Variants in CSMD1 observed in about 807,000 individuals in gnomAD.
CSMD1 encodes CUB and sushi domain-containing protein 1.
Under a neutral mutation model 417.5 loss-of-function variants are expected in CSMD1, and 213 were observed. The observed-to-expected ratio is 0.51, with a 90% confidence interval of 0.46 to 0.57. CSMD1 has a LOEUF of 0.57. Among genes scored for constraint, CSMD1 ranks in the 20% least tolerant of loss-of-function variants. The pLI is 0.00. For synonymous variants in CSMD1, 2,862 were observed against 1,736.8 expected (o/e 1.65, Z -16.11); for missense variants, 6,923 against 4,529.7 (o/e 1.53, Z -15.17).
chr8:3,983,194 G>T (rs1048141996), intron 5 of CSMD1, among the ~76,000 whole-genome samples: 4 of 148,340 alleles, frequency 2.7e-5, no homozygotes, highest in Admixed American at 6.8e-5. Context: ...GCAGTGGCGC[G>T]ATCTCAGCTC....
chr8:4,085,836 T>G (rs1270076257), intron 3 of CSMD1, among the ~76,000 whole-genome samples: 1 of 152,188 alleles, frequency 6.6e-6, no homozygotes, highest in Non-Finnish European at 1.5e-5. Flanking sequence ...ATAAAAGTTC[T>G]GTGTCCCCAG....
intron 3 of CSMD1, among the ~76,000 whole-genome samples, chr8:4,308,010 A>T (rs972902867): frequency 6.6e-6 from 1 of 152,140 alleles, no homozygotes; most frequent in African/African-American, 2.4e-5. Context: ...GTAAACAGTG[A>T]TGGTGGGCAT....
chr8:4,673,094 A>G (rs559671161), intron 1 of CSMD1, among the ~76,000 whole-genome samples: 3 of 152,212 alleles, frequency 2.0e-5, no homozygotes, highest in African/African-American at 7.2e-5. Context: ...AACAACACAC[A>G]AGCATGGTGA....
intron 10 of CSMD1, among the ~76,000 whole-genome samples, chr8:3,570,524 C>G (rs1313167154): frequency 6.6e-6 from 1 of 150,754 alleles, no homozygotes; most frequent in East Asian, 2.0e-4. Flanking sequence ...TTGCAGACGT[C>G]TTGAGAACTG....
Position 4,467,750 on chromosome 8 carries a change from A to G in CSMD1, c.303-47685T>C, listed in dbSNP as rs144399739. ...CCCAATGGTAAAGCTAAAGCTAACA[A>G]AATATTTACCGTAGAAAGCACCTTG... On this transcript the variant is annotated intron_variant, in intron 2 of 69. Transcript: ENST00000635120. Among the ~76,000 whole-genome samples the G allele has an allele frequency of 8.9e-4, 136 of 152,332 alleles. 1 individual carries two copies. In the Middle Eastern group the frequency reaches 0.01, roughly 11 times the overall value.
At chr8:3,714,460 C>A (rs1282314699) in intron 6 of CSMD1, among the ~76,000 whole-genome samples, 1 of 149,422 alleles carries the variant, frequency 6.7e-6, no homozygotes, top group Non-Finnish European at 1.5e-5. Context: ...TGGTGGTTCA[C>A]ATCTGTAATC....
At chr8:4,786,224 A>G (rs1039170219) in intron 1 of CSMD1, among the ~76,000 whole-genome samples, 1 of 152,198 alleles carries the variant, frequency 6.6e-6, no homozygotes. Flanking sequence ...CACCAATTCA[A>G]TTCACTAACG....
At chr8:3,027,187 G>A (rs1322416622) in intron 51 of CSMD1, among the ~76,000 whole-genome samples, 1 of 151,880 alleles carries the variant, frequency 6.6e-6, no homozygotes, top group East Asian at 1.9e-4. Context: ...GCCTTTTGGG[G>A]GGAAAAAAAA....
intron 4 of CSMD1, among the ~76,000 whole-genome samples, chr8:4,020,167 A>T (rs532840123): frequency 6.6e-6 from 1 of 152,280 alleles, no homozygotes; most frequent in Non-Finnish European, 1.5e-5. Flanking sequence ...TCTTTACAAC[A>T]GATTTCTCAA....
At chr8:4,858,386 T>C (rs1485067615) in intron 1 of CSMD1, among the ~76,000 whole-genome samples, 1 of 151,426 alleles carries the variant, frequency 6.6e-6, no homozygotes, top group Non-Finnish European at 1.5e-5. Flanking sequence ...ACCACTCCTA[T>C]TCAACGTAGT....
At chr8:3,765,524 C>A (rs1798218084) in intron 5 of CSMD1, among the ~76,000 whole-genome samples, 1 of 152,238 alleles carries the variant, frequency 6.6e-6, no homozygotes, top group Admixed American at 6.5e-5. Context: ...ACTCAGACAT[C>A]TTCCTCTTCT....
At chr8:3,096,785 A>C (rs1815336475) in intron 47 of CSMD1, 64 bp downstream of exon 47, 1 of 1,044,954 alleles carries the variant, frequency 9.6e-7, no homozygotes, top group Non-Finnish European at 1.4e-6. Flanking sequence ...TTACTAAAAC[A>C]TTGTAATAGT....
At chr8:4,282,584 G>T (rs1172296055) in intron 3 of CSMD1, among the ~76,000 whole-genome samples, 1 of 152,156 alleles carries the variant, frequency 6.6e-6, no homozygotes, top group African/African-American at 2.4e-5. Flanking sequence ...TAAATGAATT[G>T]ATCTTAGAAG....
chr8:4,591,257 G>T (rs1799968495), intron 2 of CSMD1, among the ~76,000 whole-genome samples: 1 of 152,338 alleles, frequency 6.6e-6, no homozygotes, highest in South Asian at 2.1e-4. Flanking sequence ...CAAACACCAG[G>T]AGGAAGAGCC....
At chr8:4,516,722 G>C (rs1386570648) in intron 2 of CSMD1, among the ~76,000 whole-genome samples, 3 of 152,140 alleles carry the variant, frequency 2.0e-5, no homozygotes, top group Admixed American at 2.0e-4. Context: ...TGGGGTCTTT[G>C]CAAATCAATG....
At chr8:4,851,654 G>A (rs980537399) in intron 1 of CSMD1, among the ~76,000 whole-genome samples, 9 of 152,048 alleles carry the variant, frequency 5.9e-5, no homozygotes, top group African/African-American at 2.2e-4. Flanking sequence ...ACTTCTCAAT[G>A]TCTCCTGCTC....
At chr8:4,733,184 G>A (rs568627425) in intron 1 of CSMD1, among the ~76,000 whole-genome samples, 37 of 152,268 alleles carry the variant, frequency 2.4e-4, no homozygotes, top group African/African-American at 7.9e-4. Context: ...TGAAAAAAGC[G>A]AAACCATGTT....
At chr8:3,212,977 C>T (rs2116807549) in intron 30 of CSMD1, among the ~76,000 whole-genome samples, 1 of 151,710 alleles carries the variant, frequency 6.6e-6, no homozygotes, top group African/African-American at 2.4e-5. Context: ...TACAGGTGTG[C>T]ACCACCACGC....
At chr8:4,308,643 T>A (rs1292152877) in intron 3 of CSMD1, among the ~76,000 whole-genome samples, 3 of 152,202 alleles carry the variant, frequency 2.0e-5, no homozygotes, top group African/African-American at 7.2e-5. Flanking sequence ...AGGATTCTTA[T>A]TCCAAGAACA....
Sources: gnomAD v4.1 joint callset for allele counts (sites outside exome capture counted in the v4.1 genomes callset) on GRCh38, gnomAD v4.1.1 for gene constraint, MANE v1.5 for transcripts, NCBI Gene and HGNC (gene_info 2026-07-23, HGNC 2026-07-21) for gene names.